TUSC3: variants seen among roughly 807,000 people sequenced by gnomAD.
TUSC3 encodes the protein tumor suppressor candidate 3.
TUSC3 carries 45 observed loss-of-function variants against 44.8 expected under a neutral mutation model. The observed-to-expected ratio is 1.00, with a 90% CI of 0.79 to 1.29. TUSC3 has a LOEUF of 1.29. Ranked by LOEUF, TUSC3 falls within the 50% of genes most tolerant of loss-of-function variation. The pLI is 0.00. For synonymous variants in TUSC3, 212 were observed against 152.9 expected (o/e 1.39, Z -2.85); for missense variants, 519 against 437.9 (o/e 1.19, Z -1.65).
At chr8:15,773,720 C>G in the TUSC3 span, among the ~76,000 whole-genome samples, 2 of 152,138 alleles carry the variant, frequency 1.3e-5, no homozygotes, top group Non-Finnish European at 2.9e-5. Flanking sequence ...AGGTACCAAA[C>G]ATAGGCACTA....
intron 1 of TUSC3, among the ~76,000 whole-genome samples, chr8:15,429,304 G>T (rs1799842846): frequency 6.6e-6 from 1 of 151,952 alleles, no homozygotes; most frequent in Non-Finnish European, 1.5e-5. Flanking sequence ...ATTTCTGAGG[G>T]CTCTGTTCTG....
intron 2 of TUSC3, among the ~76,000 whole-genome samples, chr8:15,487,035 T>C (rs1180113236): frequency 6.6e-6 from 1 of 152,224 alleles, no homozygotes; most frequent in Non-Finnish European, 1.5e-5. Flanking sequence ...TCAGTTTTTA[T>C]ACCAGCATAT....
intron 1 of TUSC3, among the ~76,000 whole-genome samples, chr8:15,566,583 C>T (rs926212912): frequency 1.4e-4 from 21 of 150,938 alleles, no homozygotes; most frequent in African/African-American, 3.9e-4. Context: ...CTTGTTTATC[C>T]GACTTCACAG....
intron 5 of TUSC3, among the ~76,000 whole-genome samples, chr8:15,673,400 C>A (rs1251457465): frequency 1.3e-5 from 2 of 152,000 alleles, no homozygotes; most frequent in African/African-American, 4.8e-5. Context: ...TTTAAAATAT[C>A]ACTAGAACAT....
At chr8:15,632,082 C>G (rs1026691804) in intron 2 of TUSC3, among the ~76,000 whole-genome samples, 7 of 152,128 alleles carry the variant, frequency 4.6e-5, no homozygotes, top group African/African-American at 1.7e-4. Flanking sequence ...TATAATCTTA[C>G]TATATAATTC....
intron 3 of TUSC3, among the ~76,000 whole-genome samples, chr8:15,654,744 C>G (rs1481601326): frequency 6.6e-6 from 1 of 151,996 alleles, no homozygotes; most frequent in East Asian, 1.9e-4. Context: ...TTGCAGTGAG[C>G]CGAGATCGTG....
chr8:15,625,337 A>T (rs1170006448), intron 2 of TUSC3, among the ~76,000 whole-genome samples: 1 of 152,160 alleles, frequency 6.6e-6, no homozygotes, highest in Non-Finnish European at 1.5e-5. Context: ...TTTTGGTATC[A>T]GGGTAATATT....
intron 2 of TUSC3, among the ~76,000 whole-genome samples, chr8:15,528,058 T>C (rs1452940514): frequency 6.6e-6 from 1 of 152,164 alleles, no homozygotes; most frequent in Non-Finnish European, 1.5e-5. Context: ...GTCCCTGAAA[T>C]AGATGATGAA....
At chr8:15,730,931 CATA>C (rs145035429) in intron 7 of TUSC3, among the ~76,000 whole-genome samples, 2,915 of 151,970 alleles carry the variant, frequency 0.019, 99 homozygotes, top group African/African-American at 0.066. Flanking sequence ...ATTAACAGAT[CATA>C]ATTTTTTTTT....
chr8:15,652,446 C>A (rs796567759), intron 3 of TUSC3, among the ~76,000 whole-genome samples: 1 of 152,014 alleles, frequency 6.6e-6, no homozygotes, highest in Non-Finnish European at 1.5e-5. Flanking sequence ...TAGGATATTT[C>A]TTTATATTCA....
chr8:15,719,659 T>C (rs186546668), intron 6 of TUSC3, among the ~76,000 whole-genome samples: 1 of 151,996 alleles, frequency 6.6e-6, no homozygotes, highest in Non-Finnish European at 1.5e-5. Flanking sequence ...ATAAATAAAC[T>C]AACATACAAC....
At chr8:15,831,839 G>C in the TUSC3 span, among the ~76,000 whole-genome samples, 2 of 152,138 alleles carry the variant, frequency 1.3e-5, no homozygotes, top group East Asian at 1.9e-4. Context: ...GAAAGAGATG[G>C]AGAGAGTGTG....
intron 1 of TUSC3, among the ~76,000 whole-genome samples, chr8:15,563,222 T>G (rs1461324246): frequency 6.6e-6 from 1 of 152,256 alleles, no homozygotes; most frequent in South Asian, 2.1e-4. Flanking sequence ...ACTTCATAAA[T>G]AACTTCATGT....
intron 1 of TUSC3, among the ~76,000 whole-genome samples, chr8:15,570,930 T>TGCTTTCTA (rs1358175872): frequency 6.8e-6 from 1 of 147,316 alleles, no homozygotes; most frequent in East Asian, 2.0e-4. Flanking sequence ...TTGCAAACTT[T>TGCTTTCTA]GCTTTCTATT....
At chr8:15,846,796 C>T in the TUSC3 span, among the ~76,000 whole-genome samples, 3 of 151,178 alleles carry the variant, frequency 2.0e-5, no homozygotes, top group Admixed American at 1.3e-4. Context: ...TGCAGCAAAC[C>T]ACCATGGCAC....
At chr8:15,540,119 TCTC>T (rs1468615223), upstream of TUSC3, 1 of 337,420 alleles carries the variant, frequency 3.0e-6, no homozygotes, top group Non-Finnish European at 5.3e-6. Context: ...GGACCACTCC[TCTC>T]CTCAGCGCTG....
Position 15,743,629 on chromosome 8 carries a change from C to T in TUSC3, c.937+17C>T. The stretch of plus-strand genomic sequence containing the variant: ...AAAGACGGAGTAAGTCTCTGTGTTG[C>T]CATTTTTGTAATTTCGTTTTAGTCT... On this transcript the variant is annotated intron_variant, in intron 8 of 10. Coordinates refer to ENST00000503731, the MANE Select transcript of TUSC3 (RefSeq NM_006765.4). 1 of 1,613,570 alleles carries T rather than the reference C, an allele frequency of 6.2e-7. No homozygotes were observed. Among genetic ancestry groups the T allele is most frequent in the Non-Finnish European group, 8.5e-7 (1 of 1,179,604 alleles).
At chr8:15,575,095 T>C (rs1306513428) in intron 1 of TUSC3, among the ~76,000 whole-genome samples, 1 of 152,174 alleles carries the variant, frequency 6.6e-6, no homozygotes, top group African/African-American at 2.4e-5. Flanking sequence ...AAAAATATTA[T>C]TAGATTGTCA....
intron 6 of TUSC3, among the ~76,000 whole-genome samples, chr8:15,716,880 T>C (rs995018374): frequency 6.6e-6 from 1 of 152,086 alleles, no homozygotes; most frequent in Non-Finnish European, 1.5e-5. Flanking sequence ...TTGAGGACTT[T>C]AGTAATAGCT....
Sources: gnomAD v4.1 joint callset for allele counts (sites outside exome capture counted in the v4.1 genomes callset) on GRCh38, gnomAD v4.1.1 for gene constraint, MANE v1.5 for transcripts, NCBI Gene and HGNC (gene_info 2026-07-23, HGNC 2026-07-21) for gene names.